The following CFAP95 variants were observed in gnomAD, a reference collection of about 807,000 sequenced individuals.
The protein encoded by CFAP95 is cilia- and flagella-associated protein 95.
At chr9:69,826,479 A>T in the CFAP95 span, among the ~76,000 whole-genome samples, 2 of 152,168 alleles carry the variant, frequency 1.3e-5, no homozygotes, top group African/African-American at 4.8e-5. Flanking sequence ...CACATTCGAG[A>T]ACTACGATAA....
the CFAP95 span, among the ~76,000 whole-genome samples, chr9:69,853,930 C>T: frequency 6.6e-6 from 1 of 152,192 alleles, no homozygotes; most frequent in Non-Finnish European, 1.5e-5. Flanking sequence ...GAAGGACTTT[C>T]CCTGGAAGTT....
chr9:69,898,703 A>G, the CFAP95 span, among the ~76,000 whole-genome samples: 6,554 of 152,230 alleles, frequency 0.043, 490 homozygotes, highest in African/African-American at 0.15. Flanking sequence ...CATGGTCCCA[A>G]TAATGTTCTT....
the CFAP95 span, chr9:69,844,376 A>T: frequency 1.9e-6 from 1 of 513,366 alleles, no homozygotes; most frequent in Non-Finnish European, 3.3e-6. Flanking sequence ...GATGGAAAAT[A>T]CTTTATATGT....
the CFAP95 span, among the ~76,000 whole-genome samples, chr9:69,832,543 A>C: frequency 6.9e-6 from 1 of 143,972 alleles, no homozygotes; most frequent in Non-Finnish European, 1.5e-5. Context: ...TTTTTTCCCT[A>C]CTAGTACTGT....
At chr9:69,902,305 T>C in the CFAP95 span, 2 of 454,982 alleles carry the variant, frequency 4.4e-6, no homozygotes, top group Non-Finnish European at 8.8e-6. Context: ...TAAGCCTTCA[T>C]AGCAAAGGAT....
the CFAP95 span, among the ~76,000 whole-genome samples, chr9:69,863,936 T>C: frequency 2.6e-5 from 4 of 151,996 alleles, no homozygotes; most frequent in Admixed American, 2.6e-4. Context: ...GGTCCCAGGA[T>C]AATGGTCCAC....
the CFAP95 span, among the ~76,000 whole-genome samples, chr9:69,859,575 G>A: frequency 1.3e-5 from 2 of 152,110 alleles, no homozygotes; most frequent in Non-Finnish European, 2.9e-5. Flanking sequence ...TTAAGAGATG[G>A]GGCTCCGAGC....
the CFAP95 span, among the ~76,000 whole-genome samples, chr9:69,850,428 AT>A: frequency 6.6e-6 from 1 of 152,230 alleles, no homozygotes; most frequent in African/African-American, 2.4e-5. Context: ...TTATGAATAG[AT>A]TAAGAATAGC....
chr9:69,905,986 C>T, the CFAP95 span: 1 of 1,611,174 alleles, frequency 6.2e-7, no homozygotes, highest in Non-Finnish European at 8.5e-7. Flanking sequence ...ATTCCATAGT[C>T]CACAGAAAAT....
the CFAP95 span, among the ~76,000 whole-genome samples, chr9:69,832,661 CT>C: frequency 1.5e-3 from 34 of 22,476 alleles, no homozygotes; most frequent in African/African-American, 3.8e-3. Context: ...TTAACAGTAC[CT>C]TTTTTTTTTC....
At chr9:69,850,088 A>G in the CFAP95 span, among the ~76,000 whole-genome samples, 1 of 152,208 alleles carries the variant, frequency 6.6e-6, no homozygotes, top group Non-Finnish European at 1.5e-5. Context: ...CTGATACTAA[A>G]GTGAGAGCCA....
the CFAP95 span, chr9:69,857,895 T>A: frequency 5.2e-5 from 83 of 1,611,108 alleles, no homozygotes; most frequent in Non-Finnish European, 7.0e-5. Flanking sequence ...TAAAAAAATG[T>A]TATCTTGTTT....
chr9:69,890,563 C>T, the CFAP95 span, among the ~76,000 whole-genome samples: 1 of 152,118 alleles, frequency 6.6e-6, no homozygotes, highest in Non-Finnish European at 1.5e-5. Context: ...TGTTGTCGTG[C>T]ACATAAACAA....
At chr9:69,887,890 G>T in the CFAP95 span, among the ~76,000 whole-genome samples, 7 of 152,194 alleles carry the variant, frequency 4.6e-5, no homozygotes, top group African/African-American at 1.7e-4. Flanking sequence ...TGACTTACGA[G>T]TGAGGAAGCC....
the CFAP95 span, among the ~76,000 whole-genome samples, chr9:69,846,654 G>A: frequency 6.6e-6 from 1 of 152,318 alleles, no homozygotes; most frequent in South Asian, 2.1e-4. Flanking sequence ...GGTCCCAAGT[G>A]TAAAGAAAAG....
the CFAP95 span, among the ~76,000 whole-genome samples, chr9:69,889,691 C>G: frequency 6.6e-6 from 1 of 152,132 alleles, no homozygotes; most frequent in Non-Finnish European, 1.5e-5. Context: ...TTTGCTGCAA[C>G]ACCTGCTGTT....
chr9:69,870,346 A>C, the CFAP95 span, among the ~76,000 whole-genome samples: 2 of 152,246 alleles, frequency 1.3e-5, no homozygotes, highest in African/African-American at 4.8e-5. Context: ...CTTGGCTGAA[A>C]GTAACAGGAA....
the CFAP95 span, among the ~76,000 whole-genome samples, chr9:69,875,057 A>C: frequency 3.3e-5 from 5 of 152,180 alleles, no homozygotes; most frequent in East Asian, 3.8e-4. Flanking sequence ...CATTTCTCTT[A>C]ATGGACTTGT....
the CFAP95 span, chr9:69,856,706 T>A: frequency 2.0e-5 from 30 of 1,480,438 alleles, no homozygotes; most frequent in Non-Finnish European, 2.7e-5. Context: ...CTTTATAGAA[T>A]GTGGACATGC....
Sources: allele counts gnomAD v4.1 joint callset (sites outside exome capture counted in the v4.1 genomes callset), GRCh38; gene constraint gnomAD v4.1.1; transcripts MANE v1.5; gene names NCBI Gene and HGNC (gene_info 2026-07-23, HGNC 2026-07-21).